The following PYHIN1 variants were observed in gnomAD, a reference collection of about 807,000 sequenced individuals.
PYHIN1 encodes the protein pyrin and HIN domain family member 1, also known as pyrin and HIN domain-containing protein 1.
PYHIN1 carries 32 observed loss-of-function variants against 43.7 expected under a neutral mutation model. The observed-to-expected ratio is 0.73, with a 90% CI of 0.55 to 0.98. The LOEUF is 0.98. PYHIN1 is among the 50% of genes least tolerant of loss of function. PYHIN1 has a pLI of 0.00. For missense variants in PYHIN1, 588 were observed against 589.5 expected, an observed-to-expected ratio of 1.00 and a Z score of 0.03; for synonymous variants, 205 against 203.1, an observed-to-expected ratio of 1.01 and a Z score of -0.08.
intron 8 of PYHIN1, 97 bp from the exon 9 acceptor site, chr1:158,976,604 A>C (rs1163590451): frequency 1.9e-5 from 16 of 829,798 alleles, no homozygotes; most frequent in Non-Finnish European, 3.2e-5. Flanking sequence ...AGAAGAAGAG[A>C]TGTGGCTCAC....
At position 158,939,184 on chromosome 1, in the gene PYHIN1, C is replaced by G; in HGVS notation, c.516C>G (p.Ala172=). 6.2e-7 allele frequency: 1 copy of G among 1,613,880 alleles called. No individual in the cohort carries two copies. Among genetic ancestry groups the G allele is most frequent in the African/African-American group, 1.3e-5 (1 of 74,994 alleles). Reference sequence around the variant, plus strand: ...CTGCAGGAGCCAGCACGTCCACAGCCATGGGCCGTTCCCCACCTCCCCAGA... The same window carrying G: ...CTGCAGGAGCCAGCACGTCCACAGCGATGGGCCGTTCCCCACCTCCCCAGA... ...SCSAGASTST[A]MGRSPPPQTS... The change falls in exon 4 of 9, where the codon GCC becomes GCG. Residue 172 remains alanine (A), a synonymous_variant. Coordinates refer to ENST00000368140, the MANE Select transcript of PYHIN1 (RefSeq NM_152501.5).
At position 158,938,500 on chromosome 1, in the gene PYHIN1, C is replaced by T; in HGVS notation, c.369C>T (p.Asn123=). The part of the protein sequence containing the change: ...YPATPACTPS[N]RLTAKGAEET... ...CTACACCTGCATGCACCCCAAGCAACCGTCTCACAGCTAAAGGAGCAGAGG... is the reference window on the plus strand; with the variant it reads ...CTACACCTGCATGCACCCCAAGCAATCGTCTCACAGCTAAAGGAGCAGAGG... The change falls in exon 3 of 9, where the codon AAC becomes AAT. Residue 123 remains asparagine (N), a synonymous_variant. Transcript: ENST00000368140. 6.2e-7 allele frequency: 1 copy of T among 1,614,232 alleles called. No individual in the cohort carries two copies. The highest frequency in any genetic ancestry group is 8.5e-7 in the Non-Finnish European group (1 of 1,180,044).
At chr1:158,990,570 A>G in the PYHIN1 span, among the ~76,000 whole-genome samples, 5 of 152,114 alleles carry the variant, frequency 3.3e-5, no homozygotes, top group Admixed American at 6.5e-5. Context: ...ACAATATTTC[A>G]TCTTTAGCTA....
chr1:158,937,937 T>A (rs1427848039), intron 2 of PYHIN1, among the ~76,000 whole-genome samples: 5 of 131,812 alleles, frequency 3.8e-5, no homozygotes, highest in Admixed American at 2.5e-4. Context: ...AGAGCGAGAC[T>A]CCGTCTCAAA....
chr1:158,960,549 A>T (rs542642540), intron 7 of PYHIN1, among the ~76,000 whole-genome samples: 35 of 152,358 alleles, frequency 2.3e-4, no homozygotes, highest in African/African-American at 8.4e-4. Flanking sequence ...ACCACCCGAA[A>T]AAAAGAGTAT....
intron 7 of PYHIN1, among the ~76,000 whole-genome samples, chr1:158,967,550 A>G (rs1650694598): frequency 6.6e-6 from 1 of 152,170 alleles, no homozygotes; most frequent in African/African-American, 2.4e-5. Context: ...TGCTATTCCT[A>G]TCAAACTACC....
At chr1:158,957,355 T>C (rs1650005193) in intron 7 of PYHIN1, among the ~76,000 whole-genome samples, 1 of 151,942 alleles carries the variant, frequency 6.6e-6, no homozygotes, top group East Asian at 1.9e-4. Context: ...CTTCAAACTA[T>C]ACTACAAGGC....
At chr1:158,959,231 A>T (rs1189483796) in intron 7 of PYHIN1, among the ~76,000 whole-genome samples, 1 of 152,114 alleles carries the variant, frequency 6.6e-6, no homozygotes, top group Non-Finnish European at 1.5e-5. Flanking sequence ...CTGTCAGCTG[A>T]GCTAAGGGTC....
chr1:158,975,643 T>G (rs943928416), intron 8 of PYHIN1, among the ~76,000 whole-genome samples: 1 of 152,246 alleles, frequency 6.6e-6, no homozygotes, highest in South Asian at 2.1e-4. Flanking sequence ...ACACCTCTTA[T>G]GAGCACAGTA....
At chr1:158,952,245 A>G (rs1273247808) in intron 7 of PYHIN1, among the ~76,000 whole-genome samples, 3 of 151,596 alleles carry the variant, frequency 2.0e-5, no homozygotes, top group African/African-American at 7.3e-5. Flanking sequence ...GCAGCTGTGC[A>G]GGCTGAGTTC....
At chr1:158,988,486 T>C in the PYHIN1 span, among the ~76,000 whole-genome samples, 20 of 152,162 alleles carry the variant, frequency 1.3e-4, no homozygotes, top group Non-Finnish European at 2.5e-4. Context: ...CATGTCATCA[T>C]CAACATCATC....
chr1:158,974,892 T>C (rs1234846475), intron 8 of PYHIN1, among the ~76,000 whole-genome samples: 6 of 152,070 alleles, frequency 3.9e-5, no homozygotes, highest in Non-Finnish European at 8.8e-5. Context: ...ATAGACATAA[T>C]TGAACATCCC....
At chr1:158,955,110 G>C (rs1439723123) in intron 7 of PYHIN1, among the ~76,000 whole-genome samples, 1 of 151,764 alleles carries the variant, frequency 6.6e-6, no homozygotes, top group East Asian at 1.9e-4. Flanking sequence ...AGGAAGTCCT[G>C]AGTGACCTAC....
At chr1:158,974,963 A>G (rs976522695) in intron 8 of PYHIN1, among the ~76,000 whole-genome samples, 12 of 152,156 alleles carry the variant, frequency 7.9e-5, no homozygotes, top group African/African-American at 2.9e-4. Flanking sequence ...GGGACTACGC[A>G]AAGTTTGCCT....
intron 7 of PYHIN1, among the ~76,000 whole-genome samples, chr1:158,966,122 C>G (rs1320186626): frequency 1.3e-5 from 2 of 152,248 alleles, no homozygotes; most frequent in African/African-American, 4.8e-5. Context: ...GCTATAAAAC[C>G]TAGAAGAAAT....
chr1:158,945,125 TA>T (rs1649152308), intron 7 of PYHIN1, 83 bp downstream of exon 7: 18 of 1,370,890 alleles, frequency 1.3e-5, no homozygotes, highest in Non-Finnish European at 1.8e-5. Flanking sequence ...GTTTCTCTTC[TA>T]ATCCCTAACT....
At chr1:158,961,199 C>T (rs751072420) in intron 7 of PYHIN1, among the ~76,000 whole-genome samples, 1 of 152,130 alleles carries the variant, frequency 6.6e-6, no homozygotes, top group South Asian at 2.1e-4. Flanking sequence ...CAGCCTTATA[C>T]ATAAGAGAAA....
intron 7 of PYHIN1, among the ~76,000 whole-genome samples, chr1:158,952,992 C>T (rs935991937): frequency 8.5e-5 from 13 of 152,112 alleles, no homozygotes; most frequent in South Asian, 2.1e-4. Flanking sequence ...AAGGGGTGAT[C>T]GACGCACCTG....
chr1:158,976,908 A>G lies in PYHIN1; in HGVS notation c.*213A>G, dbSNP rs1651308880. 5.2e-6 allele frequency: 1 copy of G among 191,006 alleles called. No individual in the cohort carries two copies. Among genetic ancestry groups the G allele is most frequent in the Admixed American group, 6.6e-5 (1 of 15,202 alleles). 11.8% of individuals were successfully genotyped at this position (191,006 alleles called of 1,614,324 possible). ...TATATATATATATATATATATATAT[A>G]TATATATACCAGCTATTAATTCTAG... is the stretch of plus-strand genomic sequence containing the variant. On this transcript the variant is annotated 3_prime_UTR_variant, in exon 9 of 9. Coordinates refer to ENST00000368140, the MANE Select transcript of PYHIN1 (RefSeq NM_152501.5).
Sources: gnomAD v4.1 joint callset for allele counts (sites outside exome capture counted in the v4.1 genomes callset) on GRCh38, gnomAD v4.1.1 for gene constraint, MANE v1.5 for transcripts, NCBI Gene and HGNC (gene_info 2026-07-23, HGNC 2026-07-21) for gene names.